The following ZNF438 variants were observed in gnomAD, a reference collection of about 807,000 sequenced individuals.
The protein encoded by ZNF438 is zinc finger protein 438.
Under a neutral mutation model 38.0 loss-of-function variants are expected in ZNF438, and 25 were observed. The observed-to-expected ratio is 0.66, with a 90% CI of 0.48 to 0.92. The LOEUF is 0.92. Ranked by LOEUF, ZNF438 falls within the 40% of genes least tolerant of loss-of-function variation. The pLI, the probability that ZNF438 is intolerant of heterozygous loss-of-function variation, is 0.00. For missense variants in ZNF438, 1,007 were observed against 999.6 expected (o/e 1.01, Z -0.10); for synonymous variants, 372 against 364.1 (o/e 1.02, Z -0.25).
intron 3 of ZNF438, among the ~76,000 whole-genome samples, chr10:30,881,247 A>G (rs1033987750): frequency 4.6e-5 from 7 of 152,186 alleles, no homozygotes; most frequent in Non-Finnish European, 1.0e-4. Context: ...AATAGAATCT[A>G]CAAAAAAAGC....
chr10:30,974,021 G>A (rs188272318), intron 1 of ZNF438, among the ~76,000 whole-genome samples: 23 of 152,298 alleles, frequency 1.5e-4, no homozygotes, highest in Non-Finnish European at 1.5e-5. Flanking sequence ...AATGAAAGAT[G>A]TTCAGTGTGA....
intron 1 of ZNF438, among the ~76,000 whole-genome samples, chr10:30,963,563 G>A (rs111809343): frequency 0.035 from 5,286 of 152,110 alleles, 300 homozygotes; most frequent in African/African-American, 0.12. Flanking sequence ...ATATAACTCA[G>A]CAGTGAGCAC....
intron 3 of ZNF438, among the ~76,000 whole-genome samples, chr10:30,898,035 T>G (rs1290692596): frequency 8.5e-5 from 13 of 152,212 alleles, no homozygotes; most frequent in African/African-American, 3.1e-4. Flanking sequence ...GTTGCTGCTG[T>G]AAATTCACTA....
chr10:30,845,283 G>T (rs769020625), exon 6 of ZNF438: 1 of 1,614,124 alleles, frequency 6.2e-7, no homozygotes, highest in Admixed American at 1.7e-5. Flanking sequence ...TCTTGGACAT[G>T]CATGTGATTC....
intron 2 of ZNF438, among the ~76,000 whole-genome samples, chr10:30,913,790 G>A (rs1247460160): frequency 1.3e-5 from 2 of 151,996 alleles, no homozygotes; most frequent in African/African-American, 2.4e-5. Context: ...AAATCTTCTG[G>A]AATAAGAACA....
chr10:30,965,303 C>T (rs2049980440), intron 1 of ZNF438, among the ~76,000 whole-genome samples: 1 of 152,144 alleles, frequency 6.6e-6, no homozygotes, highest in African/African-American at 2.4e-5. Flanking sequence ...GGTGAGGCTG[C>T]AGAGAAAAGG....
chr10:30,964,257 C>T lies in ZNF438; in HGVS notation c.-191-22606G>A, dbSNP rs541549800. Among the ~76,000 whole-genome samples, 45 of 152,296 alleles carry T rather than the reference C, an allele frequency of 3.0e-4. No individual in the cohort carries two copies. The East Asian group carries it at 6.8e-3, about 23-fold the overall frequency. ...ATAGCCTTACTCTTTTATACTCAAACCCCAACTATTTGTTTAATGCCCTAT... is the reference window on the plus strand; with the variant it reads ...ATAGCCTTACTCTTTTATACTCAAATCCCAACTATTTGTTTAATGCCCTAT... On this transcript the variant is annotated intron_variant, in intron 1 of 5. Coordinates refer to ENST00000413025, the Ensembl canonical transcript of ZNF438.
chr10:30,961,819 T>G (rs1589441440), intron 1 of ZNF438, among the ~76,000 whole-genome samples: 1 of 135,048 alleles, frequency 7.4e-6, no homozygotes, highest in Non-Finnish European at 1.6e-5. Context: ...ACCCGGGAGG[T>G]GGAGGTTGCA....
chr10:31,001,317 AC>A (rs2054635065), intron 1 of ZNF438, among the ~76,000 whole-genome samples: 1 of 152,240 alleles, frequency 6.6e-6, no homozygotes, highest in Admixed American at 6.5e-5. Flanking sequence ...AATACTAAGT[AC>A]CATATCTTTC....
chr10:30,980,554 T>C (rs2052008093), intron 1 of ZNF438, among the ~76,000 whole-genome samples: 2 of 152,222 alleles, frequency 1.3e-5, no homozygotes, highest in Non-Finnish European at 2.9e-5. Flanking sequence ...GGGAGAAAAG[T>C]TCAAGATTTA....
intron 3 of ZNF438, among the ~76,000 whole-genome samples, chr10:30,888,946 C>T (rs1372168022): frequency 6.6e-6 from 1 of 152,188 alleles, no homozygotes; most frequent in African/African-American, 2.4e-5. Flanking sequence ...TGAGGAATCA[C>T]CACACTGCTT....
Position 30,893,616 on chromosome 10 carries a change from T to C in ZNF438, c.-32+15317A>G, listed in dbSNP as rs1392109187. On this transcript the variant is annotated intron_variant, in intron 3 of 5. Coordinates refer to ENST00000413025, the Ensembl canonical transcript of ZNF438. ...ACAGTTTTAAGATGATTTTATAGTG[T>C]AAAAATCATGCTCCTTTATGTAAGA... Among the ~76,000 whole-genome samples, 3 of 152,218 alleles carry C rather than the reference T, an allele frequency of 2.0e-5. No individual in the cohort carries two copies. The East Asian group carries it at 5.8e-4, about 29-fold the overall frequency.
At chr10:30,948,918 C>T in intron 1 of ZNF438, among the ~76,000 whole-genome samples, 1 of 151,986 alleles carries the variant, frequency 6.6e-6, no homozygotes, top group East Asian at 1.9e-4. Flanking sequence ...AGATACTCCT[C>T]AAGAAGAGCA....
intron 1 of ZNF438, among the ~76,000 whole-genome samples, chr10:30,952,461 G>C (rs1458629502): frequency 6.6e-6 from 1 of 152,002 alleles, no homozygotes. Flanking sequence ...AGAGTGAACA[G>C]GCAACCTACA....
At chr10:30,901,968 T>C (rs555235217) in intron 3 of ZNF438, among the ~76,000 whole-genome samples, 9 of 152,214 alleles carry the variant, frequency 5.9e-5, no homozygotes, top group Non-Finnish European at 8.8e-5. Context: ...TGTTAGTTTC[T>C]CCTGGTGGGT....
At chr10:30,877,339 G>A (rs1317015763) in intron 3 of ZNF438, among the ~76,000 whole-genome samples, 2 of 152,174 alleles carry the variant, frequency 1.3e-5, no homozygotes, top group African/African-American at 4.8e-5. Context: ...GGGGTCATGT[G>A]TAAGTAGGCA....
intron 4 of ZNF438, among the ~76,000 whole-genome samples, 154 bp downstream of exon 5, chr10:30,876,844 T>C (rs1172569739): frequency 2.0e-5 from 3 of 152,166 alleles, no homozygotes; most frequent in Non-Finnish European, 2.9e-5. Context: ...ACTCAAATTA[T>C]TTACCAAAAG....
At chr10:31,007,336 C>A (rs929368976) in intron 1 of ZNF438, among the ~76,000 whole-genome samples, 5 of 138,724 alleles carry the variant, frequency 3.6e-5, no homozygotes, top group African/African-American at 1.4e-4. Flanking sequence ...GGCTGAAGTG[C>A]AGTGGCGTGA....
intron 2 of ZNF438, among the ~76,000 whole-genome samples, chr10:30,926,225 T>A (rs1472325627): frequency 6.6e-6 from 1 of 152,198 alleles, no homozygotes; most frequent in Non-Finnish European, 1.5e-5. Flanking sequence ...TACATAATTG[T>A]CAAAACTCGC....
Sources: allele counts gnomAD v4.1 joint callset (sites outside exome capture counted in the v4.1 genomes callset), GRCh38; gene constraint gnomAD v4.1.1; transcripts MANE v1.5; gene names NCBI Gene and HGNC (gene_info 2026-07-23, HGNC 2026-07-21).